The following HS3ST5 variants were observed in gnomAD, a reference collection of about 807,000 sequenced individuals.
HS3ST5 encodes the protein heparan sulfate glucosamine 3-O-sulfotransferase 5.
HS3ST5 carries 10 observed loss-of-function variants against 25.4 expected under a neutral mutation model. The observed-to-expected ratio is 0.39, with a 90% CI of 0.24 to 0.67. The LOEUF (loss-of-function observed/expected upper bound fraction) is 0.67. HS3ST5 is among the 30% of genes least tolerant of loss of function. The pLI is 0.44. For synonymous variants in HS3ST5, 170 were observed against 162.4 expected (o/e 1.05, Z -0.36); for missense variants, 324 against 420.7 (o/e 0.77, Z 2.01).
intron 1 of HS3ST5, among the ~76,000 whole-genome samples, chr6:114,276,056 G>C (rs1005479479): frequency 2.6e-5 from 4 of 151,918 alleles, no homozygotes; most frequent in Non-Finnish European, 5.9e-5. Context: ...TCTGACAGCT[G>C]TTTATAGGCT....
At chr6:114,275,429 A>G (rs1240577326) in intron 1 of HS3ST5, among the ~76,000 whole-genome samples, 2 of 151,912 alleles carry the variant, frequency 1.3e-5, no homozygotes, top group Non-Finnish European at 2.9e-5. Flanking sequence ...TATATATTTT[A>G]TGCTTACAAT....
chr6:114,219,956 T>A (rs1249766581), intron 2 of HS3ST5, among the ~76,000 whole-genome samples: 1 of 152,148 alleles, frequency 6.6e-6, no homozygotes, highest in Non-Finnish European at 1.5e-5. Flanking sequence ...GAAAAGTTCA[T>A]AAAGTACTTA....
chr6:114,171,690 G>A (rs1389981533), intron 2 of HS3ST5, among the ~76,000 whole-genome samples: 2 of 152,122 alleles, frequency 1.3e-5, no homozygotes, highest in Non-Finnish European at 2.9e-5. Context: ...CGTAAGTTAC[G>A]GAGGCAAGAC....
chr6:114,200,271 G>A (rs1394747831), intron 2 of HS3ST5, among the ~76,000 whole-genome samples: 2 of 152,172 alleles, frequency 1.3e-5, no homozygotes, highest in Non-Finnish European at 2.9e-5. Context: ...TCTGGTTAAA[G>A]ACAATAAGCA....
At chr6:114,325,151 C>T (rs976802287) in intron 1 of HS3ST5, among the ~76,000 whole-genome samples, 8 of 152,178 alleles carry the variant, frequency 5.3e-5, no homozygotes, top group Admixed American at 3.3e-4. Flanking sequence ...ATTTGTTTAT[C>T]ATCTTCAGTA....
Position 114,295,249 on chromosome 6 carries a change from C to T in HS3ST5, c.-339+46946G>A, listed in dbSNP as rs543277931. Reference sequence around the variant, plus strand: ...AATCAGAACTGTCTTCTCTAATGCCCCTTATTCATTTCAGATATTTTATTA... The same window carrying T: ...AATCAGAACTGTCTTCTCTAATGCCTCTTATTCATTTCAGATATTTTATTA... On this transcript the variant is annotated intron_variant, in intron 1 of 4. Transcript: ENST00000312719. Among the ~76,000 whole-genome samples the T allele has an allele frequency of 9.2e-5, 14 of 152,170 alleles. No homozygotes were observed. In the East Asian group the frequency reaches 1.7e-3, roughly 19 times the overall value.
intron 1 of HS3ST5, among the ~76,000 whole-genome samples, chr6:114,254,256 C>T (rs528639140): frequency 2.0e-4 from 31 of 152,328 alleles, no homozygotes; most frequent in Admixed American, 3.9e-4. Context: ...GACCCTGAAC[C>T]TCCCAAATGA....
intron 3 of HS3ST5, among the ~76,000 whole-genome samples, chr6:114,119,519 G>A (rs1776681209): frequency 6.6e-6 from 1 of 152,166 alleles, no homozygotes; most frequent in Non-Finnish European, 1.5e-5. Flanking sequence ...GAAAAACCTA[G>A]GAGATTAAGT....
intron 2 of HS3ST5, among the ~76,000 whole-genome samples, chr6:114,181,670 C>G (rs1779977154): frequency 6.6e-6 from 1 of 152,156 alleles, no homozygotes; most frequent in Non-Finnish European, 1.5e-5. Context: ...GGTAGGAAAT[C>G]CTGAAGAACA....
At chr6:114,151,120 G>C (rs978791835) in intron 3 of HS3ST5, among the ~76,000 whole-genome samples, 3 of 152,208 alleles carry the variant, frequency 2.0e-5, no homozygotes, top group Non-Finnish European at 4.4e-5. Context: ...TGATGCTGAG[G>C]CAAAGGAATG....
At chr6:114,293,081 G>A (rs2114781070) in intron 1 of HS3ST5, among the ~76,000 whole-genome samples, 1 of 152,214 alleles carries the variant, frequency 6.6e-6, no homozygotes, top group Middle Eastern at 3.4e-3. Context: ...GTGCACAGGA[G>A]CTCCACAAGT....
chr6:114,154,491 C>G (rs978115088), intron 3 of HS3ST5, among the ~76,000 whole-genome samples: 8 of 152,094 alleles, frequency 5.3e-5, no homozygotes, highest in Non-Finnish European at 1.2e-4. Flanking sequence ...GACTCCATGT[C>G]TGTTGTTTTT....
At chr6:114,256,859 C>T (rs1169955179) in intron 1 of HS3ST5, among the ~76,000 whole-genome samples, 1 of 152,136 alleles carries the variant, frequency 6.6e-6, no homozygotes, top group African/African-American at 2.4e-5. Context: ...TGTTTTCACA[C>T]TGCTTATAAA....
chr6:114,274,463 A>G (rs144126329), intron 1 of HS3ST5, among the ~76,000 whole-genome samples: 4 of 152,160 alleles, frequency 2.6e-5, no homozygotes, highest in Non-Finnish European at 2.9e-5. Context: ...ATAAACTAGG[A>G]GTTGTGTTTA....
At chr6:114,339,982 CT>C (rs1405396539) in intron 1 of HS3ST5, among the ~76,000 whole-genome samples, 1 of 152,180 alleles carries the variant, frequency 6.6e-6, no homozygotes, top group Non-Finnish European at 1.5e-5. Flanking sequence ...GAAATCCTCC[CT>C]TTTTGTTTAA....
chr6:114,248,625 T>C (rs1024782123), intron 1 of HS3ST5, among the ~76,000 whole-genome samples: 2 of 152,230 alleles, frequency 1.3e-5, no homozygotes, highest in Non-Finnish European at 2.9e-5. Context: ...CAAATATTTA[T>C]TGCATGTCTG....
At chr6:114,232,393 G>C (rs9372391) in intron 1 of HS3ST5, among the ~76,000 whole-genome samples, 67,965 of 151,812 alleles carry the variant, frequency 0.45, 16,635 homozygotes, top group South Asian at 0.62. Context: ...GTTTCTCTAT[G>C]TTGCCCAGGC....
chr6:114,210,464 A>G (rs909659214), intron 2 of HS3ST5, among the ~76,000 whole-genome samples: 1 of 152,238 alleles, frequency 6.6e-6, no homozygotes, highest in African/African-American at 2.4e-5. Flanking sequence ...GGCAATGTGA[A>G]CATCAACTAA....
intron 3 of HS3ST5, among the ~76,000 whole-genome samples, chr6:114,076,725 T>C (rs1436180754): frequency 6.6e-6 from 1 of 152,102 alleles, no homozygotes; most frequent in African/African-American, 2.4e-5. Context: ...AAGAGCACTG[T>C]AATGAGAAAG....
Sources: gnomAD v4.1 joint callset for allele counts (sites outside exome capture counted in the v4.1 genomes callset) on GRCh38, gnomAD v4.1.1 for gene constraint, MANE v1.5 for transcripts, NCBI Gene and HGNC (gene_info 2026-07-23, HGNC 2026-07-21) for gene names.